Variants in SNTG2 observed in about 807,000 individuals in gnomAD.
SNTG2 encodes the protein syntrophin gamma 2.
Under a neutral mutation model 70.9 loss-of-function variants are expected in SNTG2, and 74 were observed. The ratio of observed to expected loss-of-function variants is 1.04; its 90% confidence interval spans 0.86 to 1.27. The LOEUF (loss-of-function observed/expected upper bound fraction) is 1.27, where lower values mean the gene tolerates loss of function less well. Among genes scored for constraint, SNTG2 ranks in the 50% most tolerant of loss-of-function variants. SNTG2 has a pLI of 0.00. For missense variants in SNTG2, 717 were observed against 690.7 expected, an observed-to-expected ratio of 1.04 and a Z score of -0.43; for synonymous variants, 278 against 273.8, an observed-to-expected ratio of 1.02 and a Z score of -0.15.
rs570836721 is a variant in SNTG2 at position 1,225,525 on chromosome 2, CCT to C, written c.720-12358_720-12357del. On this transcript the variant is annotated intron_variant, in intron 9 of 16. Transcript: ENST00000308624. Reference sequence around the variant, plus strand: ...GGAATTGCGCATCCTTGTGTCCGGTCCTCTCTTGAGAGTCGGCTTTTACTGCT... The same window carrying C: ...GGAATTGCGCATCCTTGTGTCCGGTCCTCTTGAGAGTCGGCTTTTACTGCT... Among the ~76,000 whole-genome samples the C allele has an allele frequency of 5.0e-3, 763 of 152,286 alleles. 7 individuals are homozygous for C. The highest frequency in any genetic ancestry group is 0.017 in the African/African-American group (722 of 41,558).
chr2:1,244,131 G>A (rs78404812), intron 11 of SNTG2, among the ~76,000 whole-genome samples: 3,129 of 125,074 alleles, frequency 0.025, 36 homozygotes, highest in South Asian at 0.076. Context: ...TCTCTACCCC[G>A]TATGAATCTA....
At chr2:965,724 T>C (rs926306904) in intron 1 of SNTG2, among the ~76,000 whole-genome samples, 10 of 152,008 alleles carry the variant, frequency 6.6e-5, no homozygotes, top group Non-Finnish European at 4.4e-5. Context: ...GTGGGGGGTT[T>C]CCTTCTGTCT....
At chr2:1,227,538 C>T (rs779192832) in intron 9 of SNTG2, among the ~76,000 whole-genome samples, 1 of 152,202 alleles carries the variant, frequency 6.6e-6, no homozygotes, top group African/African-American at 2.4e-5. Flanking sequence ...AGCTCGTCCG[C>T]TCCGCCACGA....
At chr2:1,173,206 A>T in intron 8 of SNTG2, 23 bp downstream of exon 8, 1 of 1,603,590 alleles carries the variant, frequency 6.2e-7, no homozygotes, top group Non-Finnish European at 8.5e-7. Flanking sequence ...ATTTTTGTTA[A>T]ATTTTATTTT....
At position 1,090,456 on chromosome 2, in the gene SNTG2, G is replaced by A. The variant is rs545740196; in HGVS notation, c.210+6801G>A. 2.0e-5 allele frequency among the ~76,000 whole-genome samples: 3 copies of A among 152,290 alleles called. No homozygotes were observed. In the East Asian group the frequency reaches 5.8e-4, roughly 29 times the overall value. On this transcript the variant is annotated intron_variant, in intron 2 of 16. Coordinates refer to ENST00000308624, the MANE Select transcript of SNTG2 (RefSeq NM_018968.4). The stretch of plus-strand genomic sequence containing the variant: ...TTGCTTCCTTGGAGGAAAGAACTGG[G>A]TTGAGGGGCAGAAAGAGGTTTAAGT...
intron 6 of SNTG2, among the ~76,000 whole-genome samples, chr2:1,164,114 G>A (rs981087258): frequency 1.3e-5 from 2 of 151,998 alleles, no homozygotes; most frequent in Non-Finnish European, 2.9e-5. Context: ...CTGTGGGTAG[G>A]CTTTATGTAG....
intron 1 of SNTG2, among the ~76,000 whole-genome samples, chr2:1,009,831 A>G (rs974209788): frequency 1.3e-5 from 2 of 152,178 alleles, no homozygotes; most frequent in African/African-American, 4.8e-5. Flanking sequence ...ATGATAGGGA[A>G]TGAGATCTTC....
In SNTG2 at chr2:1,177,523, A is replaced by C. The variant is rs188445922; in HGVS notation, c.591+4340A>C. On this transcript the variant is annotated intron_variant, in intron 8 of 16. Coordinates refer to ENST00000308624, the MANE Select transcript of SNTG2 (RefSeq NM_018968.4). Reference sequence around the variant, plus strand: ...AAAAAAAAACTTTAAAAGGAACCAGAAGTTAAAAAGAAAATGATAGTAAAA... The same window carrying C: ...AAAAAAAAACTTTAAAAGGAACCAGCAGTTAAAAAGAAAATGATAGTAAAA... Among the ~76,000 whole-genome samples, 1,086 of 152,164 alleles carry C rather than the reference A, an allele frequency of 7.1e-3. 5 individuals are homozygous for C. Among genetic ancestry groups the C allele is most frequent in the Middle Eastern group, 0.014 (4 of 294 alleles).
intron 1 of SNTG2, among the ~76,000 whole-genome samples, chr2:1,057,976 G>A (rs1662573354): frequency 6.6e-6 from 1 of 152,130 alleles, no homozygotes; most frequent in Non-Finnish European, 1.5e-5. Flanking sequence ...GCAGTGAGCT[G>A]AGATGGCGCC....
chr2:1,265,542 G>C (rs1678681162), intron 13 of SNTG2, among the ~76,000 whole-genome samples: 1 of 152,196 alleles, frequency 6.6e-6, no homozygotes, highest in African/African-American at 2.4e-5. Flanking sequence ...GCCATCTGCG[G>C]GGCCAGGAGA....
chr2:1,260,627 A>G (rs920312764), intron 13 of SNTG2, among the ~76,000 whole-genome samples: 1 of 152,206 alleles, frequency 6.6e-6, no homozygotes, highest in Non-Finnish European at 1.5e-5. Context: ...TTTTCTAGTT[A>G]TTGTTGCTTT....
intron 9 of SNTG2, among the ~76,000 whole-genome samples, chr2:1,229,746 C>T (rs957726297): frequency 1.4e-4 from 22 of 152,224 alleles, no homozygotes; most frequent in African/African-American, 2.2e-4. Flanking sequence ...CCTGCCCCGC[C>T]GGAAGGCAGC....
chr2:1,221,405 C>CTG, intron 9 of SNTG2, among the ~76,000 whole-genome samples: 1 of 72,910 alleles, frequency 1.4e-5, no homozygotes, highest in Non-Finnish European at 2.7e-5. Flanking sequence ...CTCTGTCCCT[C>CTG]TCAGTCTCTG....
intron 1 of SNTG2, among the ~76,000 whole-genome samples, chr2:1,064,228 CAG>C (rs1215618784): frequency 6.6e-6 from 1 of 151,890 alleles, no homozygotes; most frequent in East Asian, 1.9e-4. Context: ...TCCATTCAAA[CAG>C]AAGTAAAATA....
chr2:1,361,676 G>T (rs1427874010), intron 16 of SNTG2, among the ~76,000 whole-genome samples: 1 of 152,212 alleles, frequency 6.6e-6, no homozygotes, highest in Non-Finnish European at 1.5e-5. Flanking sequence ...TTCCATGAAA[G>T]TCACCGACGC....
chr2:1,092,175 G>C (rs1665070221), intron 2 of SNTG2, among the ~76,000 whole-genome samples: 1 of 152,006 alleles, frequency 6.6e-6, no homozygotes, highest in South Asian at 2.1e-4. Context: ...GTGTGGGTGT[G>C]AAATAGAATA....
intron 14 of SNTG2, among the ~76,000 whole-genome samples, chr2:1,272,514 G>A (rs1312187068): frequency 6.6e-6 from 1 of 151,704 alleles, no homozygotes; most frequent in Non-Finnish European, 1.5e-5. Flanking sequence ...CCAGGAGCAG[G>A]TGTAGAAAGG....
chr2:1,084,282 G>C (rs1454164153), intron 2 of SNTG2, among the ~76,000 whole-genome samples: 1 of 152,186 alleles, frequency 6.6e-6, no homozygotes, highest in Non-Finnish European at 1.5e-5. Context: ...GCAATCCTGT[G>C]ATCAGTGTTT....
intron 14 of SNTG2, among the ~76,000 whole-genome samples, chr2:1,274,264 G>A (rs11887044): frequency 0.5 from 76,149 of 152,172 alleles, 20,818 homozygotes; most frequent in Admixed American, 0.63. Context: ...AAACTTTCTC[G>A]TTACCCTGGT....
Sources: gnomAD v4.1 joint callset for allele counts (sites outside exome capture counted in the v4.1 genomes callset) on GRCh38, gnomAD v4.1.1 for gene constraint, MANE v1.5 for transcripts, NCBI Gene and HGNC (gene_info 2026-07-23, HGNC 2026-07-21) for gene names.